The following SYN3 variants were observed in gnomAD, a reference collection of about 807,000 sequenced individuals.
SYN3 encodes the protein synapsin III, also known as synapsin-3.
In SYN3, 35 loss-of-function variants were observed where a neutral mutation model predicts 65.8. That is an observed-to-expected ratio of 0.53 (90% confidence interval 0.41 to 0.70). The LOEUF (loss-of-function observed/expected upper bound fraction) is 0.70. SYN3 is among the 30% of genes least tolerant of loss of function. SYN3 has a pLI of 0.00. For missense variants in SYN3, 680 were observed against 749.0 expected (o/e 0.91, Z 1.08); for synonymous variants, 270 against 292.9 (o/e 0.92, Z 0.80).
At chr22:32,596,778 A>C in intron 6 of SYN3, 42 bp from the exon 7 acceptor site, 2 of 1,577,598 alleles carry the variant, frequency 1.3e-6, no homozygotes, top group Non-Finnish European at 1.7e-6. Context: ...ATCTCAGAGC[A>C]TTGCCACCAA....
At chr22:32,723,704 G>A (rs1569174309) in intron 6 of SYN3, among the ~76,000 whole-genome samples, 2 of 152,242 alleles carry the variant, frequency 1.3e-5, no homozygotes, top group South Asian at 2.1e-4. Context: ...AAAATAGAGC[G>A]GAGTCATTCG....
At chr22:32,753,680 T>G (rs2045207430) in intron 6 of SYN3, among the ~76,000 whole-genome samples, 1 of 152,268 alleles carries the variant, frequency 6.6e-6, no homozygotes, top group African/African-American at 2.4e-5. Flanking sequence ...GGGTGTTGAT[T>G]TATCCCATAC....
chr22:32,561,337 T>C (rs2058583983), intron 7 of SYN3, among the ~76,000 whole-genome samples: 1 of 152,148 alleles, frequency 6.6e-6, no homozygotes, highest in African/African-American at 2.4e-5. Context: ...CAGTTTGAAC[T>C]GGAATTTTCT....
intron 6 of SYN3, chr22:32,859,030 G>A: frequency 1.4e-6 from 1 of 739,166 alleles, no homozygotes; most frequent in Admixed American, 2.0e-5. Context: ...AGATGCTCAA[G>A]CTAGTGCTAT....
At chr22:32,546,849 C>T (rs2058343060) in intron 7 of SYN3, among the ~76,000 whole-genome samples, 2 of 152,032 alleles carry the variant, frequency 1.3e-5, no homozygotes, top group South Asian at 4.1e-4. Flanking sequence ...CCTCGCCCCT[C>T]TTCTCCCTTC....
intron 7 of SYN3, among the ~76,000 whole-genome samples, chr22:32,550,411 C>A (rs560429102): frequency 7.9e-4 from 118 of 148,552 alleles, no homozygotes; most frequent in Middle Eastern, 3.5e-3. Context: ...ATATCCCTAG[C>A]AGAAAATATC....
chr22:33,020,535 T>C (rs2145858419), intron 1 of SYN3, among the ~76,000 whole-genome samples: 1 of 152,310 alleles, frequency 6.6e-6, no homozygotes, highest in East Asian at 1.9e-4. Context: ...GTATAAGGCC[T>C]GAAAGCAATC....
At chr22:32,833,357 T>C (rs1371677486) in intron 6 of SYN3, among the ~76,000 whole-genome samples, 1 of 152,248 alleles carries the variant, frequency 6.6e-6, no homozygotes, top group Admixed American at 6.5e-5. Flanking sequence ...ATCTTGTTTT[T>C]TTGTAAGCCC....
chr22:32,844,387 T>C (rs1475455100), intron 6 of SYN3, among the ~76,000 whole-genome samples: 3 of 152,218 alleles, frequency 2.0e-5, no homozygotes, highest in Non-Finnish European at 4.4e-5. Flanking sequence ...CTGTGGTCCA[T>C]ACTGCTAGAG....
chr22:32,581,991 G>A (rs534275676), intron 7 of SYN3, among the ~76,000 whole-genome samples: 10 of 151,588 alleles, frequency 6.6e-5, no homozygotes, highest in Admixed American at 1.3e-4. Context: ...GTAGAGATGG[G>A]TTTTCACCAT....
chr22:32,620,168 T>C (rs1234075944), intron 6 of SYN3, among the ~76,000 whole-genome samples: 2 of 152,262 alleles, frequency 1.3e-5, no homozygotes, highest in African/African-American at 4.8e-5. Context: ...TTAAAGATCT[T>C]AAATCTGGTT....
At chr22:32,714,056 A>G (rs568486345) in intron 6 of SYN3, among the ~76,000 whole-genome samples, 36 of 152,280 alleles carry the variant, frequency 2.4e-4, no homozygotes, top group Admixed American at 5.9e-4. Flanking sequence ...ACAGCTCAGG[A>G]CAATGGTCTC....
At chr22:32,688,760 C>T (rs1394448174) in intron 6 of SYN3, among the ~76,000 whole-genome samples, 17 of 151,898 alleles carry the variant, frequency 1.1e-4, no homozygotes, top group East Asian at 1.9e-4. Flanking sequence ...TTGATTTTCT[C>T]GCTGGATGGA....
Position 33,015,840 on chromosome 22 carries a change from C to CTTT in SYN3, c.-162-9019_-162-9017dup, listed in dbSNP as rs758927603. Among the ~76,000 whole-genome samples the CTTT allele has an allele frequency of 8.3e-4, 116 of 139,968 alleles. 2 individuals carry two copies. Among genetic ancestry groups the CTTT allele is most frequent in the Middle Eastern group, 7.5e-3 (2 of 266 alleles). 91.8% of individuals were successfully genotyped at this position (139,968 alleles called of 152,430 possible). A position where few individuals can be genotyped will look rare whatever the true frequency, so the allele number is the denominator to read the frequency against. On this transcript the variant is annotated intron_variant, in intron 1 of 13. Transcript: ENST00000358763. Reference sequence around the variant, plus strand: ...ACTGAACATTTAATAGGCAAATTTTCTTTTCTTTTTTTTTTTTTTTAAGAC... The same window carrying CTTT: ...ACTGAACATTTAATAGGCAAATTTTCTTTTTTTCTTTTTTTTTTTTTTTAAGAC...
rs1250236574 is a variant in SYN3 at position 32,664,643 on chromosome 22, T to G, written c.712-67907A>C. The stretch of plus-strand genomic sequence containing the variant: ...TCTCGCTCTGTCGCCCAGGCTGGAG[T>G]GCAGTGGTGCGATCTCGGCTCACTG... On this transcript the variant is annotated intron_variant, in intron 6 of 13. Transcript: ENST00000358763. Among the ~76,000 whole-genome samples the G allele has an allele frequency of 2.2e-5, 3 of 137,044 alleles. No homozygotes were observed. In the East Asian group the frequency reaches 6.7e-4, roughly 30 times the overall value. The allele number at this position is 137,044 out of a possible 152,430, so 89.9% of individuals were successfully genotyped here.
intron 6 of SYN3, among the ~76,000 whole-genome samples, chr22:32,749,305 C>T (rs1011141531): frequency 8.0e-6 from 1 of 125,492 alleles, no homozygotes; most frequent in African/African-American, 3.0e-5. Context: ...AGCCCCCCCC[C>T]CACCCCAAAA....
At chr22:32,691,207 G>A (rs2060657304) in intron 6 of SYN3, among the ~76,000 whole-genome samples, 1 of 152,102 alleles carries the variant, frequency 6.6e-6, no homozygotes, top group African/African-American at 2.4e-5. Context: ...CATACCCTGG[G>A]CTCTGTGGAA....
At chr22:32,964,098 T>G (rs976288637) in intron 3 of SYN3, among the ~76,000 whole-genome samples, 11 of 151,820 alleles carry the variant, frequency 7.2e-5, no homozygotes, top group Non-Finnish European at 1.0e-4. Flanking sequence ...ACTCACCCAT[T>G]AGCTCACGAC....
rs1380667941 is a variant in SYN3, at chr22:32,513,578, T to C, written c.*114A>G. The C allele has an allele frequency of 3.7e-6, 5 of 1,354,452 alleles. No homozygotes were observed. Among genetic ancestry groups the C allele is most frequent in the African/African-American group, 1.5e-5 (1 of 68,876 alleles). 83.9% of individuals were successfully genotyped at this position (1,354,452 alleles called of 1,614,324 possible). A position where few individuals can be genotyped will look rare whatever the true frequency, so the allele number is the denominator to read the frequency against. On this transcript the variant is annotated 3_prime_UTR_variant, in exon 14 of 14. Transcript: ENST00000358763. Reference sequence around the variant, plus strand: ...TCCTGGGTCAAAGGCATTTAGAAAGTATGTTCTCAGGCCCTCCATTCTGTT... The same window carrying C: ...TCCTGGGTCAAAGGCATTTAGAAAGCATGTTCTCAGGCCCTCCATTCTGTT...
Sources: allele counts gnomAD v4.1 joint callset (sites outside exome capture counted in the v4.1 genomes callset), GRCh38; gene constraint gnomAD v4.1.1; transcripts MANE v1.5; gene names NCBI Gene and HGNC (gene_info 2026-07-23, HGNC 2026-07-21).